SLC25A48: variants seen among roughly 807,000 people sequenced by gnomAD.
SLC25A48 encodes the protein solute carrier family 25 member 48, also known as CTC-321K16.1.
A neutral mutation model predicts 32.2 loss-of-function variants in SLC25A48; 29 were observed. The observed-to-expected ratio is 0.90, with a 90% CI of 0.67 to 1.23. SLC25A48 has a LOEUF of 1.23. SLC25A48 is among the 50% of genes most tolerant of loss of function. The pLI, the probability that SLC25A48 is intolerant of heterozygous loss-of-function variation, is 0.00. For synonymous variants in SLC25A48, 164 were observed against 172.3 expected (o/e 0.95, Z 0.38); for missense variants, 399 against 422.7 (o/e 0.94, Z 0.49).
At chr5:135,831,522 G>T (rs1258830258), upstream of SLC25A48, among the ~76,000 whole-genome samples, 1 of 152,238 alleles carries the variant, frequency 6.6e-6, no homozygotes, top group Non-Finnish European at 1.5e-5. Context: ...ATACCATGTG[G>T]CATAGGGTGA....
intron 3 of SLC25A48, among the ~76,000 whole-genome samples, chr5:135,771,379 T>A (rs1389095985): frequency 6.6e-6 from 1 of 151,782 alleles, no homozygotes; most frequent in Non-Finnish European, 1.5e-5. Context: ...TAGAGTGTAT[T>A]ACTTCATATA....
chr5:135,871,563 C>CG lies in SLC25A48; in HGVS notation c.528dup (p.Leu177AlafsTer28). On this transcript the variant is annotated frameshift_variant, in exon 5 of 8. Coordinates refer to ENST00000681962, the MANE Select transcript of SLC25A48 (RefSeq NM_001349336.2). LOFTEE classifies it high-confidence loss of function. ...ACCATTGTGAGGAATGAGGGCCTGGCGGGGCTATACCGGGGGGCCAGTGCC... is the reference window on the plus strand; with the variant it reads ...ACCATTGTGAGGAATGAGGGCCTGGCGGGGGCTATACCGGGGGGCCAGTGCC... 1 of 1,614,162 alleles carries CG rather than the reference C, an allele frequency of 6.2e-7. No homozygotes were observed. Among genetic ancestry groups the CG allele is most frequent in the Non-Finnish European group, 8.5e-7 (1 of 1,180,020 alleles).
At chr5:135,814,068 C>A (rs189264357) in intron 4 of SLC25A48, among the ~76,000 whole-genome samples, 1 of 152,192 alleles carries the variant, frequency 6.6e-6, no homozygotes, top group East Asian at 1.9e-4. Flanking sequence ...ATTTTCCCCC[C>A]ATCATGGAAA....
At chr5:135,843,279 A>G (rs1233817427) in intron 2 of SLC25A48, among the ~76,000 whole-genome samples, 1 of 152,056 alleles carries the variant, frequency 6.6e-6, no homozygotes, top group African/African-American at 2.4e-5. Flanking sequence ...GGCTTAGTCT[A>G]CCCTCCTGAA....
At chr5:135,872,075 G>A in intron 5 of SLC25A48, 1 of 1,128,652 alleles carries the variant, frequency 8.9e-7, no homozygotes, top group Non-Finnish European at 1.1e-6. Flanking sequence ...TACAAGGTAG[G>A]AATCGGTTTC....
At chr5:135,643,442 A>G (rs1253494361) in intron 3 of SLC25A48, among the ~76,000 whole-genome samples, 2 of 152,204 alleles carry the variant, frequency 1.3e-5, no homozygotes, top group East Asian at 3.9e-4. Flanking sequence ...AGGGTGGAAC[A>G]AGAATTGGTT....
intron 3 of SLC25A48, among the ~76,000 whole-genome samples, chr5:135,772,956 G>A (rs990290460): frequency 6.0e-5 from 9 of 150,922 alleles, no homozygotes; most frequent in Middle Eastern, 3.3e-3. Context: ...ATTGCAGAAG[G>A]TGTACACCTC....
At chr5:135,613,052 A>T (rs937505292) in intron 1 of SLC25A48, among the ~76,000 whole-genome samples, 1 of 152,124 alleles carries the variant, frequency 6.6e-6, no homozygotes, top group Non-Finnish European at 1.5e-5. Flanking sequence ...ACAGTGTATG[A>T]GTACCGTTTT....
In SLC25A48 at chr5:135,605,343, G is replaced by C. The variant is rs527853310; in HGVS notation, c.-848-23894G>C. On this transcript the variant is annotated intron_variant, in intron 1 of 10. Transcript: ENST00000646290. ...TTCGTCTGAAAGGCTGGGAGGTCTC[G>C]TCTGGAAACATCCAAAGGATTTGCA... Among the ~76,000 whole-genome samples the C allele has an allele frequency of 3.3e-5, 5 of 152,304 alleles. No individual in the cohort carries two copies. The South Asian group carries it at 1.0e-3, about 32-fold the overall frequency.
intron 4 of SLC25A48, among the ~76,000 whole-genome samples, chr5:135,858,896 G>A (rs1291495492): frequency 6.6e-6 from 1 of 152,138 alleles, no homozygotes; most frequent in Non-Finnish European, 1.5e-5. Flanking sequence ...GATCTCCCTT[G>A]CCCTCAGTTG....
intron 3 of SLC25A48, among the ~76,000 whole-genome samples, chr5:135,694,260 A>T (rs978986475): frequency 6.6e-6 from 1 of 152,168 alleles, no homozygotes; most frequent in Admixed American, 6.5e-5. Flanking sequence ...ACCGCTGAGT[A>T]CACAGATGTG....
chr5:135,678,678 A>C (rs538125877), intron 3 of SLC25A48, among the ~76,000 whole-genome samples: 1 of 152,058 alleles, frequency 6.6e-6, no homozygotes, highest in Non-Finnish European at 1.5e-5. Context: ...TTTGCTTTTG[A>C]GGGACGGGGG....
At chr5:135,620,067 C>T (rs545629820) in intron 1 of SLC25A48, among the ~76,000 whole-genome samples, 3 of 152,228 alleles carry the variant, frequency 2.0e-5, no homozygotes, top group Admixed American at 1.3e-4. Flanking sequence ...GTGGCATGAG[C>T]GATGGCAATA....
chr5:135,830,843 C>T (rs796751995), upstream of SLC25A48, among the ~76,000 whole-genome samples: 13 of 152,198 alleles, frequency 8.5e-5, no homozygotes, highest in Admixed American at 3.3e-4. Context: ...TGGCAGAGCC[C>T]GAAAATGTCA....
intron 3 of SLC25A48, among the ~76,000 whole-genome samples, chr5:135,723,467 A>G (rs1580815059): frequency 6.7e-6 from 1 of 149,054 alleles, no homozygotes; most frequent in South Asian, 2.1e-4. Flanking sequence ...TTCCCCTGCA[A>G]TCCCTTTTCT....
intron 4 of SLC25A48, among the ~76,000 whole-genome samples, chr5:135,818,288 C>G (rs574812238): frequency 6.6e-6 from 1 of 152,174 alleles, no homozygotes; most frequent in African/African-American, 2.4e-5. Flanking sequence ...TGAGGACATC[C>G]AGGAGGGAAG....
intron 3 of SLC25A48, chr5:135,803,142 T>A (rs1179962919): frequency 6.6e-6 from 1 of 151,008 alleles, no homozygotes. Flanking sequence ...TGTGTGTACA[T>A]CCATTGATGT....
intron 1 of SLC25A48, among the ~76,000 whole-genome samples, chr5:135,586,750 C>T (rs1751375643): frequency 6.6e-6 from 1 of 152,072 alleles, no homozygotes; most frequent in Non-Finnish European, 1.5e-5. Context: ...GTGTGTAGGG[C>T]AGGGATCTGG....
chr5:135,686,637 G>A (rs956034867), intron 3 of SLC25A48, among the ~76,000 whole-genome samples: 5 of 152,216 alleles, frequency 3.3e-5, no homozygotes, highest in African/African-American at 1.2e-4. Context: ...TCTCCCCTGG[G>A]CTCAGTCCAG....
Sources: allele counts gnomAD v4.1 joint callset (sites outside exome capture counted in the v4.1 genomes callset), GRCh38; gene constraint gnomAD v4.1.1; transcripts MANE v1.5; gene names NCBI Gene and HGNC (gene_info 2026-07-23, HGNC 2026-07-21).